GANC: variants seen among roughly 807,000 people sequenced by gnomAD.
GANC encodes glucosidase alpha, neutral C.
Under a neutral mutation model 124.2 loss-of-function variants are expected in GANC, and 117 were observed. The observed-to-expected ratio is 0.94, with a 90% confidence interval of 0.81 to 1.10. The LOEUF (loss-of-function observed/expected upper bound fraction) is 1.10. Among genes scored for constraint, GANC ranks in the 50% least tolerant of loss-of-function variants. GANC has a pLI of 0.00. For missense variants in GANC, 1,140 were observed against 1,095.0 expected, an observed-to-expected ratio of 1.04 and a Z score of -0.58; for synonymous variants, 377 against 376.8, an observed-to-expected ratio of 1.00 and a Z score of -0.01.
At chr15:42,301,842 C>T (rs2051948746) in intron 6 of GANC, among the ~76,000 whole-genome samples, 1 of 152,242 alleles carries the variant, frequency 6.6e-6, no homozygotes, top group South Asian at 2.1e-4. Flanking sequence ...GAAAGAAAGG[C>T]AGCAGCCCCA....
chr15:42,302,832 C>T (rs890241838), intron 6 of GANC, among the ~76,000 whole-genome samples: 2 of 151,986 alleles, frequency 1.3e-5, no homozygotes, highest in African/African-American at 2.4e-5. Flanking sequence ...ATGAACAAAG[C>T]CTCCAAGATA....
intron 3 of GANC, chr15:42,280,897 T>C (rs755739944): frequency 1.0e-5 from 7 of 695,366 alleles, no homozygotes; most frequent in Non-Finnish European, 1.8e-5. Flanking sequence ...CCTGAAAAAG[T>C]GAGGAACAAT....
intron 11 of GANC, among the ~76,000 whole-genome samples, chr15:42,323,432 A>G (rs189629701): frequency 5.6e-4 from 86 of 152,312 alleles, no homozygotes; most frequent in African/African-American, 2.0e-3. Context: ...GCCAAGAAAG[A>G]GAAGATTGTA....
chr15:42,310,701 G>A lies in GANC; in HGVS notation c.912G>A (p.Leu304=). 1.2e-6 allele frequency: 2 copies of A among 1,610,774 alleles called. No individual in the cohort carries two copies. Among genetic ancestry groups the A allele is most frequent in the South Asian group, 1.1e-5 (1 of 91,018 alleles). Residue 304 remains leucine, a synonymous_variant, in exon 10 of 24, where the codon CTG becomes CTA. Coordinates refer to ENST00000318010, the MANE Select transcript of GANC (RefSeq NM_198141.3). The stretch of plus-strand genomic sequence containing the variant: ...TTCCATTCTTTTTCCAGTACACACT[G>A]ACCCAGATGGGCCCAGTTGCTGCTA... ...INTEPAVEYT[L]TQMGPVAAKQ... is the part of the protein sequence containing the mutation.
intron 21 of GANC, among the ~76,000 whole-genome samples, chr15:42,348,951 A>C (rs1246227462): frequency 6.6e-6 from 1 of 152,234 alleles, no homozygotes; most frequent in African/African-American, 2.4e-5. Flanking sequence ...CCTACTAAAA[A>C]TAAAAATAAA....
chr15:42,343,254 C>T, intron 19 of GANC, 100 bp downstream of exon 19: 6 of 952,744 alleles, frequency 6.3e-6, no homozygotes, highest in South Asian at 2.8e-5. Context: ...TGTGAACACA[C>T]CCCAGATGAC....
intron 13 of GANC, among the ~76,000 whole-genome samples, chr15:42,328,506 C>CAAAAAAAAAAAA (rs530447078): frequency 9.6e-6 from 1 of 104,052 alleles, no homozygotes. Context: ...AATAAAGATT[C>CAAAAAAAAAAAA]AAAAAAAAAA....
chr15:42,303,637 C>T (rs914978331), intron 6 of GANC, among the ~76,000 whole-genome samples: 11 of 115,484 alleles, frequency 9.5e-5, no homozygotes, highest in African/African-American at 3.4e-4. Flanking sequence ...CACCCATAGG[C>T]TCAAAATAAA....
At chr15:42,345,006 A>T (rs2052353016) in intron 19 of GANC, 1 of 152,186 alleles carries the variant, frequency 6.6e-6, no homozygotes, top group Admixed American at 6.5e-5. Flanking sequence ...GGATGTGGTA[A>T]TCCCTGGAGG....
At position 42,273,232 on chromosome 15, in the gene GANC, A is replaced by T. The variant is rs1395786648; in HGVS notation, c.-1250A>T. 2.5e-6 allele frequency: 4 copies of T among 1,613,520 alleles called. No individual in the cohort carries two copies. The highest frequency in any genetic ancestry group is 2.2e-5 in the South Asian group (2 of 91,048). On this transcript the variant is annotated 5_prime_UTR_variant, in exon 1 of 24. Coordinates refer to ENST00000318010, the MANE Select transcript of GANC (RefSeq NM_198141.3). ...CCACCCCTTGCTCCTCTAGGTTCAG[A>T]CGTTAGTGAAGTGAATACTCACCGA...
chr15:42,333,227 C>G (rs967254079), intron 15 of GANC, among the ~76,000 whole-genome samples: 2 of 151,644 alleles, frequency 1.3e-5, no homozygotes, highest in African/African-American at 4.8e-5. Context: ...ATTCAGGAGG[C>G]TGAGGCAGGA....
chr15:42,314,759 A>G (rs2052088228), intron 10 of GANC: 1 of 152,326 alleles, frequency 6.6e-6, no homozygotes, highest in Non-Finnish European at 1.5e-5. Context: ...TTATATTCCA[A>G]AAGAATGAAT....
At chr15:42,284,875 A>G (rs1346425729) in intron 3 of GANC, among the ~76,000 whole-genome samples, 1 of 152,204 alleles carries the variant, frequency 6.6e-6, no homozygotes, top group African/African-American at 2.4e-5. Flanking sequence ...ATTTAAAATT[A>G]TTAGATGTAT....
Position 42,276,768 on chromosome 15 carries a change from A to G in GANC, c.92+358A>G, listed in dbSNP as rs112862873. Among the ~76,000 whole-genome samples the G allele has an allele frequency of 3.6e-3, 551 of 152,298 alleles. 5 individuals carry two copies. The highest frequency in any genetic ancestry group is 0.013 in the African/African-American group (522 of 41,568). On this transcript the variant is annotated intron_variant, in intron 2 of 23. Transcript: ENST00000318010. ...CTACCCATTCCTCATCTTGTCCCGA[A>G]TAACCGAATTTCTTCATTTCTTATT...
rs1311402985 is a variant in GANC, at chr15:42,352,689, T to C, written c.*550T>C. ...AGTTATTCTCCCCTAGAGATCGACTTGGCAGCACGAAGGATTCTTTTCTCT... is the reference window on the plus strand; with the variant it reads ...AGTTATTCTCCCCTAGAGATCGACTCGGCAGCACGAAGGATTCTTTTCTCT... On this transcript the variant is annotated 3_prime_UTR_variant, in exon 24 of 24. Transcript: ENST00000318010. 9 of 985,988 alleles carry C rather than the reference T, an allele frequency of 9.1e-6. No homozygotes were observed. Among genetic ancestry groups the C allele is most frequent in the Non-Finnish European group, 1.1e-5 (9 of 829,996 alleles). 61.1% of individuals were successfully genotyped at this position (985,988 alleles called of 1,614,324 possible).
chr15:42,343,048 A>G (rs747303192), intron 18 of GANC, 30 bp from the exon 19 acceptor site: 81 of 1,578,984 alleles, frequency 5.1e-5, no homozygotes, highest in Middle Eastern at 1.7e-4. Context: ...TTATAATGAT[A>G]CTCAACTTTA....
intron 4 of GANC, among the ~76,000 whole-genome samples, chr15:42,292,377 GT>G (rs61513725): frequency 9.4e-5 from 14 of 148,268 alleles, no homozygotes; most frequent in African/African-American, 3.2e-4. Flanking sequence ...TTTACTGTGT[GT>G]TTTTTTTTTT....
intron 17 of GANC, 72 bp from the exon 18 acceptor site, chr15:42,340,616 AAC>A: frequency 1.6e-6 from 2 of 1,238,382 alleles, no homozygotes; most frequent in East Asian, 2.4e-5. Context: ...AAAAAAAAAA[AAC>A]TAAAAATATA....
Position 42,345,746 on chromosome 15 carries a change from G to A in GANC, c.2230-12G>A, listed in dbSNP as rs115084894. The stretch of plus-strand genomic sequence containing the variant: ...TATGTACTCTTTTTTACTGGACTCT[G>A]TTACTTTCTAGGTCTGGTATGACTA... On this transcript the variant is annotated splice_polypyrimidine_tract_variant and intron_variant, in intron 19 of 23. Transcript: ENST00000318010. 2,311 of 1,586,874 alleles carry A rather than the reference G, an allele frequency of 1.5e-3. 34 individuals carry two copies. In the African/African-American group the frequency reaches 0.028, roughly 19 times the overall value.
Sources: allele counts gnomAD v4.1 joint callset (sites outside exome capture counted in the v4.1 genomes callset), GRCh38; gene constraint gnomAD v4.1.1; transcripts MANE v1.5; gene names NCBI Gene and HGNC (gene_info 2026-07-23, HGNC 2026-07-21).